Variants in ZNF516 observed in about 807,000 individuals in gnomAD.
ZNF516 encodes the protein zinc finger protein 516.
Under a neutral mutation model 79.7 loss-of-function variants are expected in ZNF516, and 19 were observed. That is an observed-to-expected ratio of 0.24 (90% CI 0.17 to 0.35). The LOEUF is 0.35. Ranked by LOEUF, ZNF516 falls within the 10% of genes least tolerant of loss-of-function variation. ZNF516 has a pLI of 1.00. For synonymous variants in ZNF516, 877 were observed against 739.5 expected (o/e 1.19, Z -3.02); for missense variants, 1,678 against 1,679.5 (o/e 1.00, Z 0.02).
At chr18:76,483,243 C>G (rs1914630477) in intron 1 of ZNF516, among the ~76,000 whole-genome samples, 1 of 152,080 alleles carries the variant, frequency 6.6e-6, no homozygotes, top group Non-Finnish European at 1.5e-5. Flanking sequence ...CAGACAGCAA[C>G]CCGGGGCAGA....
chr18:76,463,787 T>C (rs1033470037), intron 1 of ZNF516, among the ~76,000 whole-genome samples: 6 of 152,212 alleles, frequency 3.9e-5, no homozygotes, highest in Admixed American at 2.6e-4. Context: ...CTCACTAGAC[T>C]TGAAAGTCAT....
intron 1 of ZNF516, among the ~76,000 whole-genome samples, chr18:76,464,724 C>G (rs1321060713): frequency 6.7e-6 from 1 of 149,520 alleles, no homozygotes; most frequent in Non-Finnish European, 1.5e-5. Context: ...CTGGCCATTT[C>G]AGATGGGGAC....
In ZNF516 at chr18:76,385,777, C is replaced by CG. The variant is rs1555698687; in HGVS notation, c.1811-5475_1811-5474insC. The CG allele has an allele frequency of 1.4e-4, 10 of 73,662 alleles. 1 individual carries two copies. The highest frequency in any genetic ancestry group is 2.2e-4 in the Non-Finnish European group (7 of 31,440). The allele number at this position is 73,662 out of a possible 1,614,324, so 4.6% of individuals were successfully genotyped here. The stretch of plus-strand genomic sequence containing the variant: ...CTGCATGTAGGGTGCCACTGCACTG[C>CG]CCCCCCCCCGGGAGCTGTACCCCCA... On this transcript the variant is annotated intron_variant, in intron 3 of 6. Coordinates refer to ENST00000443185, the MANE Select transcript of ZNF516 (RefSeq NM_014643.4).
chr18:76,376,336 G>A (rs924537507), intron 4 of ZNF516, among the ~76,000 whole-genome samples: 1 of 152,010 alleles, frequency 6.6e-6, no homozygotes, highest in Non-Finnish European at 1.5e-5. Flanking sequence ...CTACTAACAG[G>A]TATATTTTAA....
rs997565831 is a variant in ZNF516 at position 76,361,291 on chromosome 18, C to T, written c.*1207G>A. ...TATCTGTGGAATACCATTTCAATTG[C>T]GTACACTGCATGGTTTAAGATCCTT... On this transcript the variant is annotated 3_prime_UTR_variant, in exon 7 of 7. Coordinates refer to ENST00000443185, the MANE Select transcript of ZNF516 (RefSeq NM_014643.4). 4 of 152,182 alleles carry T rather than the reference C, an allele frequency of 2.6e-5. No individual in the cohort carries two copies. The highest frequency in any genetic ancestry group is 2.9e-5 in the Non-Finnish European group (2 of 68,038). 9.4% of individuals were successfully genotyped at this position (152,182 alleles called of 1,614,324 possible). A position where few individuals can be genotyped will look rare whatever the true frequency, so the allele number is the denominator to read the frequency against.
intron 1 of ZNF516, among the ~76,000 whole-genome samples, chr18:76,471,843 C>G (rs1466419042): frequency 6.6e-6 from 1 of 152,178 alleles, no homozygotes; most frequent in African/African-American, 2.4e-5. Context: ...TTCTGGGACT[C>G]CGGCCCCACC....
At chr18:76,419,953 GGCCC>G (rs2075484467) in intron 3 of ZNF516, among the ~76,000 whole-genome samples, 1 of 152,204 alleles carries the variant, frequency 6.6e-6, no homozygotes, top group Non-Finnish European at 1.5e-5. Context: ...CTGTGTGTGA[GGCCC>G]ACGCATGTGG....
At position 76,377,570 on chromosome 18, in the gene ZNF516, G is replaced by A. The variant is rs113206646; in HGVS notation, c.3259+1285C>T. ...AGCACCCACTGGGACACTGTCCCAC[G>A]GTGGATCTGGGGAGGCTGTCTGCTG... On this transcript the variant is annotated intron_variant, in intron 4 of 6. Coordinates refer to ENST00000443185, the MANE Select transcript of ZNF516 (RefSeq NM_014643.4). Among the ~76,000 whole-genome samples the A allele has an allele frequency of 4.6e-3, 707 of 152,342 alleles. 4 individuals carry two copies. The highest frequency in any genetic ancestry group is 0.016 in the African/African-American group (659 of 41,568).
chr18:76,491,163 C>T (rs1225939811), intron 1 of ZNF516: 2 of 937,640 alleles, frequency 2.1e-6, no homozygotes, highest in South Asian at 4.9e-5. Flanking sequence ...ATTACCTGGG[C>T]TCCGCCGCGC....
At chr18:76,397,795 T>A (rs2075166727) in intron 3 of ZNF516, among the ~76,000 whole-genome samples, 1 of 152,170 alleles carries the variant, frequency 6.6e-6, no homozygotes, top group Non-Finnish European at 1.5e-5. Flanking sequence ...GAGATGGGTC[T>A]CACTCTGTTG....
At chr18:76,455,835 T>C (rs1262333724) in intron 2 of ZNF516, among the ~76,000 whole-genome samples, 1 of 152,218 alleles carries the variant, frequency 6.6e-6, no homozygotes, top group Non-Finnish European at 1.5e-5. Context: ...AAAATGAGCA[T>C]GTGTGTGCAG....
At chr18:76,491,645 C>A in intron 1 of ZNF516, 3 of 690,110 alleles carry the variant, frequency 4.3e-6, no homozygotes, top group Non-Finnish European at 5.3e-6. Flanking sequence ...CTCCTCCTGG[C>A]AGCCCAGCAA....
intron 2 of ZNF516, among the ~76,000 whole-genome samples, chr18:76,461,076 G>A (rs1459839310): frequency 2.6e-5 from 4 of 152,212 alleles, no homozygotes. Context: ...CAGCTACTTG[G>A]GAGGCTGAGG....
chr18:76,442,853 C>A lies in ZNF516; in HGVS notation c.202G>T (p.Asp68Tyr). 6.2e-7 allele frequency: 1 copy of A among 1,613,470 alleles called. No homozygotes were observed. Among genetic ancestry groups the A allele is most frequent in the Non-Finnish European group, 8.5e-7 (1 of 1,179,704 alleles). The change falls in exon 3 of 7, where the codon GAC becomes TAC. Residue 68 changes from aspartate (D) to tyrosine (Y), a missense_variant. Physicochemically the swap from Asp to Tyr is radical, Grantham distance 160. Transcript: ENST00000443185. Reference protein sequence around the residue: ...GEKPYKCPYCDHRASQKGNLK... With the variant: ...GEKPYKCPYCYHRASQKGNLK... ...TTGCCCTTCTGGGAAGCCCGGTGGT[C>A]GCAGTAGGGACACTTGTAGGGCTTC...
At chr18:76,421,161 G>A (rs1044443791) in intron 3 of ZNF516, among the ~76,000 whole-genome samples, 5 of 152,192 alleles carry the variant, frequency 3.3e-5, no homozygotes, top group African/African-American at 1.2e-4. Context: ...GTCAACTACT[G>A]ACACGTTTAC....
At chr18:76,421,093 G>A (rs1432007361) in intron 3 of ZNF516, among the ~76,000 whole-genome samples, 2 of 152,196 alleles carry the variant, frequency 1.3e-5, no homozygotes, top group Non-Finnish European at 2.9e-5. Context: ...TGCGCCTCCT[G>A]CTCAAAGATC....
chr18:76,450,098 A>G (rs185565799), intron 2 of ZNF516, among the ~76,000 whole-genome samples: 80 of 146,562 alleles, frequency 5.5e-4, no homozygotes, highest in Non-Finnish European at 9.7e-4. Flanking sequence ...GTGTAATGAA[A>G]TATTTAGAGT....
intron 6 of ZNF516, among the ~76,000 whole-genome samples, chr18:76,366,476 G>A (rs1487317859): frequency 3.3e-5 from 5 of 152,074 alleles, no homozygotes; most frequent in African/African-American, 4.8e-5. Flanking sequence ...AATAATTAAC[G>A]ACAAGTCTCT....
At chr18:76,473,673 C>T (rs937390284) in intron 1 of ZNF516, among the ~76,000 whole-genome samples, 1 of 151,664 alleles carries the variant, frequency 6.6e-6, no homozygotes, top group African/African-American at 2.4e-5. Flanking sequence ...TGGTGGTGGG[C>T]GCCTGTAGTC....
Sources: allele counts gnomAD v4.1 joint callset (sites outside exome capture counted in the v4.1 genomes callset), GRCh38; gene constraint gnomAD v4.1.1; transcripts MANE v1.5; gene names NCBI Gene and HGNC (gene_info 2026-07-23, HGNC 2026-07-21).